The following CNTNAP5 variants were observed in gnomAD, a reference collection of about 807,000 sequenced individuals.
CNTNAP5 encodes the protein contactin-associated protein-like 5.
A neutral mutation model predicts 150.2 loss-of-function variants in CNTNAP5; 72 were observed. That is an observed-to-expected ratio of 0.48 (90% CI 0.40 to 0.58). CNTNAP5 has a LOEUF of 0.58. CNTNAP5 is among the 20% of genes least tolerant of loss of function. The pLI, the probability that CNTNAP5 is intolerant of heterozygous loss-of-function variation, is 0.00. For synonymous variants in CNTNAP5, 672 were observed against 619.8 expected, an observed-to-expected ratio of 1.08 and a Z score of -1.25; for missense variants, 1,636 against 1,626.2, an observed-to-expected ratio of 1.01 and a Z score of -0.10.
chr2:124,733,871 G>A (rs1414578330), intron 13 of CNTNAP5, among the ~76,000 whole-genome samples: 1 of 152,148 alleles, frequency 6.6e-6, no homozygotes, highest in Non-Finnish European at 1.5e-5. Context: ...TTTGATGGGG[G>A]AGAGTGTTAA....
intron 2 of CNTNAP5, among the ~76,000 whole-genome samples, chr2:124,234,848 G>A (rs1297802173): frequency 1.3e-5 from 2 of 152,068 alleles, no homozygotes; most frequent in African/African-American, 4.8e-5. Flanking sequence ...TAATAACACA[G>A]CTTTCTCACT....
chr2:124,833,302 T>C (rs940618093), intron 19 of CNTNAP5, among the ~76,000 whole-genome samples: 10 of 152,128 alleles, frequency 6.6e-5, no homozygotes, highest in African/African-American at 2.4e-4. Context: ...AAACTCAGCA[T>C]TGGCAACAAA....
At chr2:124,754,161 C>T (rs183888364) in intron 14 of CNTNAP5, among the ~76,000 whole-genome samples, 49 of 152,204 alleles carry the variant, frequency 3.2e-4, no homozygotes, top group African/African-American at 1.2e-3. Context: ...GCATTAAGGG[C>T]GCCTTAGACC....
intron 3 of CNTNAP5, among the ~76,000 whole-genome samples, chr2:124,333,649 T>A (rs1218565658): frequency 6.6e-6 from 1 of 152,184 alleles, no homozygotes; most frequent in African/African-American, 2.4e-5. Flanking sequence ...AGGTTGTAGT[T>A]CAAAGACCAA....
chr2:124,420,442 T>C (rs963282764), intron 4 of CNTNAP5, among the ~76,000 whole-genome samples: 1 of 152,124 alleles, frequency 6.6e-6, no homozygotes, highest in Non-Finnish European at 1.5e-5. Flanking sequence ...CTTTAGTTGC[T>C]CTCCCCACCT....
intron 1 of CNTNAP5, among the ~76,000 whole-genome samples, chr2:124,109,452 C>A (rs537237556): frequency 1.4e-3 from 220 of 152,292 alleles, no homozygotes; most frequent in African/African-American, 5.1e-3. Flanking sequence ...GCTGGAAATA[C>A]CAGGACACAT....
chr2:124,817,292 A>G (rs1430525195), intron 19 of CNTNAP5, among the ~76,000 whole-genome samples: 1 of 152,220 alleles, frequency 6.6e-6, no homozygotes, highest in Non-Finnish European at 1.5e-5. Flanking sequence ...ATACGGTGAT[A>G]GAATGTTCTG....
intron 1 of CNTNAP5, among the ~76,000 whole-genome samples, chr2:124,106,961 A>G (rs148418005): frequency 1.3e-5 from 2 of 152,306 alleles, no homozygotes; most frequent in Non-Finnish European, 2.9e-5. Flanking sequence ...GGGAAAAAAA[A>G]CCCAGACATT....
intron 4 of CNTNAP5, among the ~76,000 whole-genome samples, chr2:124,427,299 G>A (rs999813540): frequency 1.3e-5 from 2 of 152,100 alleles, no homozygotes; most frequent in Admixed American, 1.3e-4. Context: ...GGCTGACCAT[G>A]CAAGTAATCT....
intron 1 of CNTNAP5, among the ~76,000 whole-genome samples, chr2:124,071,466 G>GA (rs925303915): frequency 2.6e-4 from 39 of 151,534 alleles, no homozygotes; most frequent in African/African-American, 8.4e-4. Flanking sequence ...GACTGACTAA[G>GA]AAAAAAAGAG....
At chr2:124,681,321 A>T (rs1042173131) in intron 13 of CNTNAP5, among the ~76,000 whole-genome samples, 1 of 150,406 alleles carries the variant, frequency 6.6e-6, no homozygotes, top group South Asian at 2.1e-4. Context: ...AAAAAAAAAA[A>T]GTTGAGACAG....
chr2:124,739,229 G>A (rs1680450599), intron 13 of CNTNAP5, among the ~76,000 whole-genome samples: 1 of 152,116 alleles, frequency 6.6e-6, no homozygotes. Context: ...AATTCCTAAT[G>A]TCACGGACTA....
At chr2:124,869,617 T>G in intron 20 of CNTNAP5, 58 bp from the exon 21 acceptor site, 1 of 1,143,934 alleles carries the variant, frequency 8.7e-7, no homozygotes, top group Non-Finnish European at 1.3e-6. Context: ...TGGGATCGTT[T>G]TATGCTTCTT....
intron 3 of CNTNAP5, among the ~76,000 whole-genome samples, chr2:124,324,715 T>G (rs767876540): frequency 3.0e-4 from 45 of 152,168 alleles, no homozygotes; most frequent in Non-Finnish European, 7.3e-5. Context: ...CATGCTGTAT[T>G]ACTGATCAGA....
intron 1 of CNTNAP5, among the ~76,000 whole-genome samples, chr2:124,096,476 A>G (rs936074749): frequency 3.3e-5 from 5 of 152,078 alleles, no homozygotes; most frequent in Non-Finnish European, 7.4e-5. Context: ...TCTTTAGGGG[A>G]CTAGACATTC....
At chr2:124,380,147 A>G (rs764016080) in intron 3 of CNTNAP5, among the ~76,000 whole-genome samples, 4 of 152,200 alleles carry the variant, frequency 2.6e-5, no homozygotes, top group African/African-American at 9.6e-5. Context: ...TATTTCAGAT[A>G]TCAATAGTTT....
At chr2:124,591,846 T>C (rs926850055) in intron 11 of CNTNAP5, among the ~76,000 whole-genome samples, 4 of 152,186 alleles carry the variant, frequency 2.6e-5, no homozygotes, top group African/African-American at 9.6e-5. Flanking sequence ...GTCTTGCTTT[T>C]ATTCTTATTC....
chr2:124,362,089 C>A (rs1209204386), intron 3 of CNTNAP5, among the ~76,000 whole-genome samples: 1 of 152,232 alleles, frequency 6.6e-6, no homozygotes, highest in Non-Finnish European at 1.5e-5. Flanking sequence ...CTGTCCGTCA[C>A]CCCTTTCTTT....
chr2:124,394,256 C>T (rs1352188903), intron 3 of CNTNAP5, among the ~76,000 whole-genome samples: 1 of 151,494 alleles, frequency 6.6e-6, no homozygotes, highest in African/African-American at 2.4e-5. Flanking sequence ...ACTGTAATCC[C>T]AGCTACTCAG....
Sources: allele counts gnomAD v4.1 joint callset (sites outside exome capture counted in the v4.1 genomes callset), GRCh38; gene constraint gnomAD v4.1.1; transcripts MANE v1.5; gene names NCBI Gene and HGNC (gene_info 2026-07-23, HGNC 2026-07-21).